DIS3: variants seen among roughly 807,000 people sequenced by gnomAD.
DIS3 encodes the protein exosome complex exonuclease RRP44.
A neutral mutation model predicts 113.0 loss-of-function variants in DIS3; 103 were observed. That is an observed-to-expected ratio of 0.91 (90% CI 0.78 to 1.07). DIS3 has a LOEUF of 1.07. DIS3 is among the 50% of genes least tolerant of loss of function. The pLI, the probability that DIS3 is intolerant of heterozygous loss-of-function variation, is 0.00. For synonymous variants in DIS3, 402 were observed against 394.3 expected, an observed-to-expected ratio of 1.02 and a Z score of -0.23; for missense variants, 1,121 against 1,167.1, an observed-to-expected ratio of 0.96 and a Z score of 0.58.
At chr13:72,774,968 T>G (rs1385283040) in intron 6 of DIS3, among the ~76,000 whole-genome samples, 2 of 152,180 alleles carry the variant, frequency 1.3e-5, no homozygotes. Context: ...GATTTTCAGT[T>G]TCATACTTGT....
At chr13:72,773,869 T>C (rs2033945567) in intron 7 of DIS3, 48 bp from the exon 8 acceptor site, 7 of 1,596,966 alleles carry the variant, frequency 4.4e-6, no homozygotes, top group East Asian at 2.2e-5. Context: ...AATCTGAGGA[T>C]GGAGGCAAAA....
Position 72,759,431 on chromosome 13 carries a change from G to A in DIS3, c.*364C>T, listed in dbSNP as rs1003878285. 9.1e-5 allele frequency: 21 copies of A among 230,998 alleles called. No homozygotes were observed. Among genetic ancestry groups the A allele is most frequent in the African/African-American group, 4.2e-4 (19 of 45,106 alleles). 14.3% of individuals were successfully genotyped at this position (230,998 alleles called of 1,614,324 possible). A position where few individuals can be genotyped will look rare whatever the true frequency, so the allele number is the denominator to read the frequency against. ...GTTCTATTTTCCTCTGTAGGAAAAT[G>A]AAAGTTTTTTCTTACAAATATTAAA... On this transcript the variant is annotated 3_prime_UTR_variant, in exon 21 of 21. Coordinates refer to ENST00000377767, the MANE Select transcript of DIS3 (RefSeq NM_014953.5).
Position 72,755,542 on chromosome 13 carries a change from C to T in DIS3, c.*4253G>A. 1 of 346,308 alleles carries T rather than the reference C, an allele frequency of 2.9e-6. No homozygotes were observed. Among genetic ancestry groups the T allele is most frequent in the Non-Finnish European group, 5.1e-6 (1 of 194,520 alleles). 21.5% of individuals were successfully genotyped at this position (346,308 alleles called of 1,614,324 possible). A position where few individuals can be genotyped will look rare whatever the true frequency, so the allele number is the denominator to read the frequency against. On this transcript the variant is annotated 3_prime_UTR_variant, in exon 21 of 21. Coordinates refer to ENST00000377767, the MANE Select transcript of DIS3 (RefSeq NM_014953.5). ...ACTACTTATTAAGCCTTACTGGTAGCACTGAATTTAGCAGTTCTGAGAACA... is the reference window on the plus strand; with the variant it reads ...ACTACTTATTAAGCCTTACTGGTAGTACTGAATTTAGCAGTTCTGAGAACA...
At chr13:72,762,769 A>C (rs1328902196) in intron 16 of DIS3, among the ~76,000 whole-genome samples, 1 of 152,182 alleles carries the variant, frequency 6.6e-6, no homozygotes, top group Admixed American at 6.5e-5. Context: ...CATGTATGCA[A>C]TAAATATACT....
Position 72,762,080 on chromosome 13 carries a change from C to G in DIS3, c.2185G>C (p.Glu729Gln). The change falls in exon 17 of 21, where the codon GAA becomes CAA. Residue 729 changes from glutamate (E) to glutamine (Q), a missense_variant. Physicochemically the swap from Glu to Gln is conservative, Grantham distance 29 (BLOSUM62 2). This residue lies in a region of DIS3 where 861 missense variants were observed against 915.5 expected (regional missense o/e 0.94). Coordinates refer to ENST00000377767, the MANE Select transcript of DIS3 (RefSeq NM_014953.5). ...KSLAESLDQA[E>Q]SPTFPYLNTL... ...TTTAGATATGGAAAAGTAGGAGATT[C>G]GGCCTGATCCAAAGACTCAGCCAAA... The G allele has an allele frequency of 1.2e-6, 2 of 1,614,014 alleles. No individual in the cohort carries two copies. The highest frequency in any genetic ancestry group is 1.7e-6 in the Non-Finnish European group (2 of 1,180,008).
At chr13:72,770,015 T>A (rs9530097) in intron 13 of DIS3, among the ~76,000 whole-genome samples, 16,049 of 152,196 alleles carry the variant, frequency 0.11, 1,152 homozygotes, top group Non-Finnish European at 0.16. Flanking sequence ...ATAAACATGA[T>A]CTCAGGCTAG....
Position 72,771,907 on chromosome 13 carries a change from T to C in DIS3, c.1504-11A>G, listed in dbSNP as rs755885851. 1.6e-5 allele frequency: 26 copies of C among 1,609,834 alleles called. No individual in the cohort carries two copies. The highest frequency in any genetic ancestry group is 2.1e-5 in the Non-Finnish European group (25 of 1,178,330). ...AATATGAACACCAACCTTAAAAAGA[T>C]AAAAATAAAAGGATGTCAATATGCT... On this transcript the variant is annotated splice_polypyrimidine_tract_variant and intron_variant, in intron 10 of 20. Transcript: ENST00000377767.
At chr13:72,780,794 G>C in intron 2 of DIS3, 52 bp downstream of exon 2, 1 of 1,522,068 alleles carries the variant, frequency 6.6e-7, no homozygotes. Flanking sequence ...ACCCTCTCCC[G>C]AATTTTGCTA....
At chr13:72,774,186 A>C (rs181664628) in intron 6 of DIS3, 127 bp from the exon 7 acceptor site, 1 of 575,712 alleles carries the variant, frequency 1.7e-6, no homozygotes, top group African/African-American at 1.9e-5. Flanking sequence ...ATAAGACTAC[A>C]GAATGTTGAT....
At chr13:72,771,939 G>T in intron 10 of DIS3, 43 bp from the exon 11 acceptor site, 1 of 1,576,172 alleles carries the variant, frequency 6.3e-7, no homozygotes, top group Admixed American at 1.7e-5. Context: ...TGCTTGACTG[G>T]GTAAATGTAC....
At chr13:72,773,588 T>A in intron 8 of DIS3, 96 bp downstream of exon 8, 1 of 1,349,154 alleles carries the variant, frequency 7.4e-7, no homozygotes, top group Non-Finnish European at 1.0e-6. Context: ...CAGTACAAAT[T>A]CTACATAAAA....
At chr13:72,780,288 T>C (rs2034133395) in intron 2 of DIS3, among the ~76,000 whole-genome samples, 1 of 122,614 alleles carries the variant, frequency 8.2e-6, no homozygotes, top group Admixed American at 1.1e-4. Context: ...ATCACACCAC[T>C]GCACTCCAGC....
Position 72,775,950 on chromosome 13 carries a change from T to A in DIS3, c.797A>T (p.His266Leu). ...ENYLEATVWI[H>L]GDNEENKEII... ...CTCTTTATTTTCTTCATTGTCGCCA[T>A]GAATCCATACTGTAGCTTCCAAGTA... The change falls in exon 5 of 21, where the codon CAT (histidine) becomes CTT (leucine). Residue 266 changes from histidine (H) to leucine (L), a missense_variant. His to Leu is a moderately conservative substitution (Grantham distance 99). Coordinates refer to ENST00000377767, the MANE Select transcript of DIS3 (RefSeq NM_014953.5). The A allele has an allele frequency of 6.2e-7, 1 of 1,607,120 alleles. No homozygotes were observed. The highest frequency in any genetic ancestry group is 8.5e-7 in the Non-Finnish European group (1 of 1,178,376).
rs574843807 is a variant in DIS3 at position 72,775,622 on chromosome 13, A to G, written c.823-247T>C. ...TGGCTCCATCATAACTTACACTGGT[A>G]ACAAGAGACTTTGGAAAAATTATTT... On this transcript the variant is annotated intron_variant, in intron 5 of 20. Transcript: ENST00000377767. 9.2e-5 allele frequency among the ~76,000 whole-genome samples: 14 copies of G among 152,324 alleles called. No homozygotes were observed. In the South Asian group the frequency reaches 2.5e-3, roughly 27 times the overall value.
rs371459097 is a variant in DIS3 at position 72,781,842 on chromosome 13, C to A, written c.-10G>T. The A allele has an allele frequency of 1.6e-4, 248 of 1,568,170 alleles. 1 individual carries two copies. The African/African-American group carries it at 3.2e-3, about 20-fold the overall frequency. ...TCTTGGACTTGAGCATCTTGCCTCG[C>A]CGCGCAGAATCCTAACCCCAGCAGC... On this transcript the variant is annotated 5_prime_UTR_variant, in exon 1 of 21. Coordinates refer to ENST00000377767, the MANE Select transcript of DIS3 (RefSeq NM_014953.5).
rs1187466467 is a variant in DIS3, at chr13:72,754,952, G to A, written c.*4843C>T. The A allele has an allele frequency of 6.0e-6, 3 of 504,094 alleles. No homozygotes were observed. Among genetic ancestry groups the A allele is most frequent in the Admixed American group, 6.9e-5 (2 of 28,992 alleles). 31.2% of individuals were successfully genotyped at this position (504,094 alleles called of 1,614,324 possible). ...TAGTCCCAAACTCCTGGGCTCGTGC[G>A]ATCCTCCCACCTTGGCCTCTCAAAG... On this transcript the variant is annotated 3_prime_UTR_variant, in exon 21 of 21. Transcript: ENST00000377767.
At chr13:72,771,170 C>T in intron 11 of DIS3, 25 bp from the exon 12 acceptor site, 1 of 1,588,826 alleles carries the variant, frequency 6.3e-7, no homozygotes. Flanking sequence ...AATAGAACCA[C>T]AGATTACTTA....
Position 72,771,906 on chromosome 13 carries a change from A to T in DIS3, c.1504-10T>A, listed in dbSNP as rs370018736. 1 of 1,610,316 alleles carries T rather than the reference A, an allele frequency of 6.2e-7. No homozygotes were observed. The highest frequency in any genetic ancestry group is 1.1e-5 in the South Asian group (1 of 90,394). On this transcript the variant is annotated splice_polypyrimidine_tract_variant and intron_variant, in intron 10 of 20. Coordinates refer to ENST00000377767, the MANE Select transcript of DIS3 (RefSeq NM_014953.5). ...CAATATGAACACCAACCTTAAAAAG[A>T]TAAAAATAAAAGGATGTCAATATGC...
At chr13:72,775,074 G>T in intron 6 of DIS3, 137 bp downstream of exon 6, 1 of 925,312 alleles carries the variant, frequency 1.1e-6, no homozygotes, top group Non-Finnish European at 1.5e-6. Context: ...AAAAAACCAT[G>T]TGTATGACAT....
Sources: gnomAD v4.1 joint callset for allele counts (sites outside exome capture counted in the v4.1 genomes callset) on GRCh38, gnomAD v4.1.1 for gene constraint, gnomAD v4.1.1 regional missense constraint, MANE v1.5 for transcripts, NCBI Gene and HGNC (gene_info 2026-07-23, HGNC 2026-07-21) for gene names.